MOB3B: variants seen among roughly 807,000 people sequenced by gnomAD.
MOB3B encodes the protein MOB kinase activator 3B.
Under a neutral mutation model 18.7 loss-of-function variants are expected in MOB3B, and 7 were observed. The ratio of observed to expected loss-of-function variants is 0.37; its 90% CI spans 0.21 to 0.70. MOB3B has a LOEUF of 0.70. Among genes scored for constraint, MOB3B ranks in the 30% least tolerant of loss-of-function variants. The probability of loss-of-function intolerance (pLI) is 0.52; values close to 1 mark genes in which losing one functional copy is unlikely to be tolerated. For synonymous variants in MOB3B, 111 were observed against 99.9 expected, an observed-to-expected ratio of 1.11 and a Z score of -0.66; for missense variants, 253 against 281.3, an observed-to-expected ratio of 0.90 and a Z score of 0.72.
At chr9:27,342,774 G>A (rs1820968629) in intron 3 of MOB3B, among the ~76,000 whole-genome samples, 1 of 151,638 alleles carries the variant, frequency 6.6e-6, no homozygotes, top group African/African-American at 2.4e-5. Flanking sequence ...AGTGCTCAAT[G>A]TTGCCCAGGC....
chr9:27,436,647 A>G (rs75999974), intron 2 of MOB3B, among the ~76,000 whole-genome samples: 7,555 of 152,268 alleles, frequency 0.05, 208 homozygotes, highest in African/African-American at 0.059. Context: ...AATGCTTCAG[A>G]CTTGTTATGA....
chr9:27,403,185 A>C lies in MOB3B; in HGVS notation c.419-43949T>G, dbSNP rs187098484. Reference sequence around the variant, plus strand: ...ACAGAAAAAAGAACTAAAGTGAAGAAAGGAAGACTTAACCTAGCCATACAT... The same window carrying C: ...ACAGAAAAAAGAACTAAAGTGAAGACAGGAAGACTTAACCTAGCCATACAT... On this transcript the variant is annotated intron_variant, in intron 2 of 3. Coordinates refer to ENST00000262244, the MANE Select transcript of MOB3B (RefSeq NM_024761.5). Among the ~76,000 whole-genome samples the C allele has an allele frequency of 1.3e-4, 20 of 152,368 alleles. No homozygotes were observed. In the East Asian group the frequency reaches 3.7e-3, roughly 28 times the overall value.
intron 1 of MOB3B, among the ~76,000 whole-genome samples, chr9:27,501,474 A>G (rs1247265820): frequency 6.6e-6 from 1 of 151,970 alleles, no homozygotes; most frequent in East Asian, 1.9e-4. Flanking sequence ...GCTGGCAACC[A>G]TCATTCTGAG....
intron 2 of MOB3B, among the ~76,000 whole-genome samples, chr9:27,437,479 A>G (rs533158222): frequency 1.4e-4 from 21 of 152,336 alleles, no homozygotes; most frequent in South Asian, 6.2e-4. Context: ...TCAAGGGGCC[A>G]TAGCTCTGTT....
rs151087935 is a variant in MOB3B, at chr9:27,453,414, A to G, written c.418+1719T>C. On this transcript the variant is annotated intron_variant, in intron 2 of 3. Coordinates refer to ENST00000262244, the MANE Select transcript of MOB3B (RefSeq NM_024761.5). ...TTCTGACCAGGTAAGCACGTTCCCTAAGCATACTGAATGACTAAGAAAATG... is the reference window on the plus strand; with the variant it reads ...TTCTGACCAGGTAAGCACGTTCCCTGAGCATACTGAATGACTAAGAAAATG... Among the ~76,000 whole-genome samples, 255 of 152,314 alleles carry G rather than the reference A, an allele frequency of 1.7e-3. 2 individuals carry two copies. The highest frequency in any genetic ancestry group is 5.9e-3 in the African/African-American group (247 of 41,580).
intron 1 of MOB3B, among the ~76,000 whole-genome samples, chr9:27,519,466 A>G (rs1820292266): frequency 6.6e-6 from 1 of 152,214 alleles, no homozygotes; most frequent in Admixed American, 6.5e-5. Flanking sequence ...TTTTAAAAAT[A>G]TACACCCAAG....
At chr9:27,413,830 C>A (rs1822109307) in intron 2 of MOB3B, among the ~76,000 whole-genome samples, 1 of 152,192 alleles carries the variant, frequency 6.6e-6, no homozygotes, top group South Asian at 2.1e-4. Context: ...GAGACCTCTG[C>A]AAGAGAAGCA....
At chr9:27,425,843 T>G (rs1461781528) in intron 2 of MOB3B, among the ~76,000 whole-genome samples, 2 of 152,198 alleles carry the variant, frequency 1.3e-5, no homozygotes, top group African/African-American at 2.4e-5. Context: ...ATTTCAAGCT[T>G]ACATTCTACC....
At chr9:27,494,381 A>T (rs1819867618) in intron 1 of MOB3B, among the ~76,000 whole-genome samples, 1 of 151,928 alleles carries the variant, frequency 6.6e-6, no homozygotes, top group African/African-American at 2.4e-5. Context: ...CCTAATAAAA[A>T]CTTGCTGGTT....
At chr9:27,353,303 A>G (rs1488279457) in intron 3 of MOB3B, among the ~76,000 whole-genome samples, 1 of 152,208 alleles carries the variant, frequency 6.6e-6, no homozygotes, top group Non-Finnish European at 1.5e-5. Context: ...CATGCACATT[A>G]AAGTTTGAGA....
intron 2 of MOB3B, among the ~76,000 whole-genome samples, chr9:27,416,653 C>G (rs1216558995): frequency 6.7e-6 from 1 of 148,846 alleles, no homozygotes; most frequent in Non-Finnish European, 1.5e-5. Flanking sequence ...GCCTCACCCT[C>G]CCAAGTAGCT....
At chr9:27,491,326 T>C (rs1304210610) in intron 1 of MOB3B, among the ~76,000 whole-genome samples, 1 of 152,086 alleles carries the variant, frequency 6.6e-6, no homozygotes, top group East Asian at 1.9e-4. Flanking sequence ...TGCTATTCAC[T>C]AAGAAAAAAA....
rs1415191500 is a variant in MOB3B, at chr9:27,327,304, A to C, written c.*3283T>G. 2.6e-5 allele frequency: 4 copies of C among 152,234 alleles called. No homozygotes were observed. Among genetic ancestry groups the C allele is most frequent in the Non-Finnish European group, 5.9e-5 (4 of 68,046 alleles). The allele number at this position is 152,234 out of a possible 1,614,324, so 9.4% of individuals were successfully genotyped here. On this transcript the variant is annotated 3_prime_UTR_variant, in exon 4 of 4. Transcript: ENST00000262244. ...GCTTAATAATGAATTATGGAACTTG[A>C]TAATGATTGGATCAGGCAGACAACA... is the stretch of plus-strand genomic sequence containing the variant.
chr9:27,359,490 T>C (rs1185904392), intron 2 of MOB3B, among the ~76,000 whole-genome samples: 2 of 152,108 alleles, frequency 1.3e-5, no homozygotes, highest in African/African-American at 4.8e-5. Context: ...GGCCCAGTGT[T>C]GTTAGAGCTT....
chr9:27,365,162 C>CAAAAAAAAAAAAA lies in MOB3B; in HGVS notation c.419-5939_419-5927dup, dbSNP rs61043046. Reference sequence around the variant, plus strand: ...TCCATCATCTCCTGTTTGGGGGAGGCAAAAAAAAAAAAAGAAAACCCACAG... The same window carrying CAAAAAAAAAAAAA: ...TCCATCATCTCCTGTTTGGGGGAGGCAAAAAAAAAAAAAAAAAAAAAAAAAAGAAAACCCACAG... On this transcript the variant is annotated intron_variant, in intron 2 of 3. Coordinates refer to ENST00000262244, the MANE Select transcript of MOB3B (RefSeq NM_024761.5). 8.4e-4 allele frequency among the ~76,000 whole-genome samples: 92 copies of CAAAAAAAAAAAAA among 109,712 alleles called. 3 individuals carry two copies. Among genetic ancestry groups the CAAAAAAAAAAAAA allele is most frequent in the Middle Eastern group, 5.0e-3 (1 of 202 alleles). 72.0% of individuals were successfully genotyped at this position (109,712 alleles called of 152,430 possible).
At chr9:27,526,159 C>T (rs533225643) in intron 1 of MOB3B, 3 of 152,298 alleles carry the variant, frequency 2.0e-5, no homozygotes, top group Admixed American at 6.5e-5. Flanking sequence ...TGTTCAGATT[C>T]AAGATTATTC....
At chr9:27,506,113 G>A (rs1264737478) in intron 1 of MOB3B, among the ~76,000 whole-genome samples, 1 of 152,182 alleles carries the variant, frequency 6.6e-6, no homozygotes, top group Non-Finnish European at 1.5e-5. Context: ...TGCAGCTCTG[G>A]ATCGCTACTG....
chr9:27,391,075 GGAGTTCTGAAGTTT>G (rs1442967650), intron 2 of MOB3B, among the ~76,000 whole-genome samples: 1 of 152,196 alleles, frequency 6.6e-6, no homozygotes, highest in Non-Finnish European at 1.5e-5. Flanking sequence ...AAATCCTGGA[GGAGTTCTGAAGTTT>G]GAGTTAGTCA....
intron 1 of MOB3B, among the ~76,000 whole-genome samples, chr9:27,462,512 CTTGAA>C (rs1819309019): frequency 3.3e-5 from 5 of 152,098 alleles, no homozygotes; most frequent in Non-Finnish European, 5.9e-5. Flanking sequence ...CACTCTGAAC[CTTGAA>C]CGGATATTGA....
Sources: allele counts gnomAD v4.1 joint callset (sites outside exome capture counted in the v4.1 genomes callset), GRCh38; gene constraint gnomAD v4.1.1; transcripts MANE v1.5; gene names NCBI Gene and HGNC (gene_info 2026-07-23, HGNC 2026-07-21).